Variants in EFL1 observed in about 807,000 individuals in gnomAD.
EFL1 encodes elongation factor like GTPase 1, also known as elongation factor-like GTPase 1.
A neutral mutation model predicts 126.7 loss-of-function variants in EFL1; 76 were observed. The observed-to-expected ratio is 0.60, with a 90% CI of 0.50 to 0.73. EFL1 has a LOEUF of 0.73. Among genes scored for constraint, EFL1 ranks in the 30% least tolerant of loss-of-function variants. EFL1 has a pLI of 0.00. For synonymous variants in EFL1, 410 were observed against 448.4 expected, an observed-to-expected ratio of 0.91 and a Z score of 1.08; for missense variants, 1,128 against 1,343.2, an observed-to-expected ratio of 0.84 and a Z score of 2.50.
At chr15:82,176,315 C>T (rs1363784095) in intron 15 of EFL1, among the ~76,000 whole-genome samples, 2 of 151,942 alleles carry the variant, frequency 1.3e-5, no homozygotes, top group African/African-American at 2.4e-5. Flanking sequence ...AAGCGTTAGT[C>T]GTAAAAGAAA....
chr15:82,139,036 C>A (rs1567036974), intron 18 of EFL1, among the ~76,000 whole-genome samples, 194 bp from the exon 19 acceptor site: 1 of 151,990 alleles, frequency 6.6e-6, no homozygotes, highest in Non-Finnish European at 1.5e-5. Context: ...AAATTGGAAA[C>A]AAAAAATAAC....
chr15:82,203,522 C>T (rs2074492748), intron 15 of EFL1, among the ~76,000 whole-genome samples: 1 of 151,930 alleles, frequency 6.6e-6, no homozygotes, highest in South Asian at 2.1e-4. Flanking sequence ...TTATAGGTGC[C>T]CACCACCACG....
intron 18 of EFL1, among the ~76,000 whole-genome samples, chr15:82,140,016 G>A (rs1035405851): frequency 4.6e-5 from 7 of 152,072 alleles, no homozygotes; most frequent in Admixed American, 3.3e-4. Context: ...GGAAACAAAT[G>A]GCAGAAAATC....
intron 14 of EFL1, among the ~76,000 whole-genome samples, chr15:82,217,895 G>A (rs2074667984): frequency 6.6e-6 from 1 of 152,172 alleles, no homozygotes; most frequent in African/African-American, 2.4e-5. Flanking sequence ...TGATGAAGAG[G>A]GCCTCCAAGT....
intron 18 of EFL1, among the ~76,000 whole-genome samples, chr15:82,146,152 G>A (rs1232312315): frequency 6.6e-6 from 1 of 152,068 alleles, no homozygotes; most frequent in African/African-American, 2.4e-5. Flanking sequence ...AAATGATTTT[G>A]AGATTATTTT....
At chr15:82,211,798 C>T (rs942713774) in intron 15 of EFL1, among the ~76,000 whole-genome samples, 1 of 152,056 alleles carries the variant, frequency 6.6e-6, no homozygotes, top group Admixed American at 6.5e-5. Flanking sequence ...AGGCAGGTAA[C>T]CAGTTCAAGA....
intron 15 of EFL1, among the ~76,000 whole-genome samples, chr15:82,196,015 T>A (rs779686309): frequency 3.9e-5 from 6 of 152,056 alleles, no homozygotes; most frequent in African/African-American, 7.2e-5. Flanking sequence ...GACATTTAGC[T>A]GGCAATGAAG....
At chr15:82,211,759 T>C (rs913044268) in intron 15 of EFL1, among the ~76,000 whole-genome samples, 2 of 152,078 alleles carry the variant, frequency 1.3e-5, no homozygotes, top group African/African-American at 2.4e-5. Flanking sequence ...CAAGTAAAAT[T>C]TGCCTAAAAA....
rs2074896397 is a variant in EFL1, at chr15:82,238,414, T to C, written c.624A>G (p.Val208=). 1 of 1,614,202 alleles carries C rather than the reference T, an allele frequency of 6.2e-7. No individual in the cohort carries two copies. The highest frequency in any genetic ancestry group is 8.5e-7 in the Non-Finnish European group (1 of 1,180,034). Residue 208 remains valine, a synonymous_variant, in exon 7 of 20, where the codon GTA becomes GTG. Transcript: ENST00000268206. ...CCTCCAAGCCAGTGCTCCAGTCATATACTTGCTCTCCTTGTTCAGAATTTG... is the reference window on the plus strand; with the variant it reads ...CCTCCAAGCCAGTGCTCCAGTCATACACTTGCTCTCCTTGTTCAGAATTTG... ...VNPNSEQGEQ[V]YDWSTGLEDT...
rs11854696 is a variant in EFL1 at position 82,138,428 on chromosome 15, G to A, written c.3174+230C>T. On this transcript the variant is annotated intron_variant, in intron 19 of 19. Transcript: ENST00000268206. The stretch of plus-strand genomic sequence containing the variant: ...CAAATGAGAGAGAGAGAGAGAGAGT[G>A]TATGTGTGTGTGTGTGTGTGTGTGT... Among the ~76,000 whole-genome samples, 314 of 142,262 alleles carry A rather than the reference G, an allele frequency of 2.2e-3. 2 individuals are homozygous for A. Among genetic ancestry groups the A allele is most frequent in the African/African-American group, 7.9e-3 (303 of 38,252 alleles). The allele number at this position is 142,262 out of a possible 152,430, so 93.3% of individuals were successfully genotyped here. A position where few individuals can be genotyped will look rare whatever the true frequency, so the allele number is the denominator to read the frequency against.
At chr15:82,190,555 A>C (rs2074348800) in intron 15 of EFL1, among the ~76,000 whole-genome samples, 1 of 152,216 alleles carries the variant, frequency 6.6e-6, no homozygotes. Context: ...GATAGTGTGT[A>C]AGTGTTCAAA....
chr15:82,138,892 G>C, intron 18 of EFL1, 50 bp from the exon 19 acceptor site: 2 of 1,544,756 alleles, frequency 1.3e-6, no homozygotes, highest in Non-Finnish European at 1.8e-6. Flanking sequence ...TATGGCTTGA[G>C]CCACACCAAG....
intron 15 of EFL1, among the ~76,000 whole-genome samples, chr15:82,184,707 T>C (rs1324959499): frequency 6.6e-6 from 1 of 152,132 alleles, no homozygotes; most frequent in Non-Finnish European, 1.5e-5. Flanking sequence ...TTGGGAATTT[T>C]CCCCCCACAT....
intron 19 of EFL1, among the ~76,000 whole-genome samples, chr15:82,137,451 G>A (rs918732118): frequency 4.6e-5 from 7 of 152,212 alleles, no homozygotes; most frequent in Non-Finnish European, 8.8e-5. Flanking sequence ...TGAATGTGGT[G>A]TAGACTCAGA....
chr15:82,209,378 G>A (rs1194967166), intron 15 of EFL1, among the ~76,000 whole-genome samples: 10 of 149,124 alleles, frequency 6.7e-5, no homozygotes, highest in Admixed American at 5.4e-4. Flanking sequence ...ACTTCCTATT[G>A]ACCCAGCAAC....
intron 15 of EFL1, among the ~76,000 whole-genome samples, 197 bp downstream of exon 15, chr15:82,214,520 C>G (rs1348157415): frequency 6.6e-6 from 1 of 152,104 alleles, no homozygotes; most frequent in East Asian, 1.9e-4. Flanking sequence ...ATTTTTAAAA[C>G]AGAGCGACTA....
At chr15:82,208,051 T>G (rs1438999945) in intron 15 of EFL1, among the ~76,000 whole-genome samples, 1 of 152,216 alleles carries the variant, frequency 6.6e-6, no homozygotes, top group Admixed American at 6.5e-5. Flanking sequence ...ACCAGTATGA[T>G]GGTTTACACT....
intron 15 of EFL1, among the ~76,000 whole-genome samples, chr15:82,188,489 T>C (rs1229332091): frequency 1.3e-5 from 2 of 152,280 alleles, no homozygotes; most frequent in East Asian, 3.9e-4. Context: ...TTAAAGAAAA[T>C]CTAAATCTAT....
rs377297536 is a variant in EFL1, at chr15:82,156,021, A to G, written c.2030+1692T>C. On this transcript the variant is annotated intron_variant, in intron 17 of 19. Coordinates refer to ENST00000268206, the MANE Select transcript of EFL1 (RefSeq NM_024580.6). ...AAAGGTCTTCTCTAACCCTGCGGTC[A>G]GCCTCCTTATTATCTTAATAGTGTC... Among the ~76,000 whole-genome samples the G allele has an allele frequency of 1.5e-4, 23 of 152,304 alleles. 1 individual carries two copies. In the South Asian group the frequency reaches 3.5e-3, roughly 23 times the overall value.
Sources: gnomAD v4.1 joint callset for allele counts (sites outside exome capture counted in the v4.1 genomes callset) on GRCh38, gnomAD v4.1.1 for gene constraint, MANE v1.5 for transcripts, NCBI Gene and HGNC (gene_info 2026-07-23, HGNC 2026-07-21) for gene names.